UNC80: variants seen among roughly 807,000 people sequenced by gnomAD.
UNC80 encodes the protein unc-80 subunit of NALCN channel complex.
In UNC80, 164 loss-of-function variants were observed where a neutral mutation model predicts 384.6. That is an observed-to-expected ratio of 0.43 (90% CI 0.38 to 0.49). The LOEUF is 0.49. Ranked by LOEUF, UNC80 falls within the 20% of genes least tolerant of loss-of-function variation. The pLI, the probability that UNC80 is intolerant of heterozygous loss-of-function variation, is 0.00. For synonymous variants in UNC80, 1,486 were observed against 1,527.8 expected (o/e 0.97, Z 0.64); for missense variants, 3,330 against 4,143.0 (o/e 0.80, Z 5.39).
At chr2:209,813,546 T>C (rs954667488) in intron 7 of UNC80, 34 bp from the exon 8 acceptor site, 7 of 1,535,370 alleles carry the variant, frequency 4.6e-6, no homozygotes, top group African/African-American at 1.4e-5. Context: ...AGCTTGATTG[T>C]CAGTATAATT....
At chr2:209,910,707 A>C (rs1166264484) in intron 29 of UNC80, among the ~76,000 whole-genome samples, 1 of 150,304 alleles carries the variant, frequency 6.7e-6, no homozygotes, top group Admixed American at 6.6e-5. Context: ...GCCTGGTTAA[A>C]ATTCCTGTAA....
At chr2:209,849,977 C>T (rs183340629) in intron 22 of UNC80, among the ~76,000 whole-genome samples, 126 of 152,094 alleles carry the variant, frequency 8.3e-4, no homozygotes, top group African/African-American at 2.6e-3. Context: ...ATATAAAGCC[C>T]TCATCACAGT....
chr2:209,777,412 G>A lies in UNC80; in HGVS notation c.453G>A (p.Gln151=). ...GAAGCAGCAGTGCTTTCATCCACCAGGTTGAAAACCAGGGTTCTCCAGGGC... is the reference window on the plus strand; with the variant it reads ...GAAGCAGCAGTGCTTTCATCCACCAAGTTGAAAACCAGGGTTCTCCAGGGC... ...WGGSSSAFIH[Q]VENQGSPGQP... is the part of the protein sequence containing the mutation. The change falls in exon 4 of 65, where the codon CAG becomes CAA. Residue 151 remains glutamine, a synonymous_variant. Transcript: ENST00000673920. The A allele has an allele frequency of 1.2e-6, 2 of 1,614,204 alleles. No individual in the cohort carries two copies. Among genetic ancestry groups the A allele is most frequent in the Non-Finnish European group, 1.7e-6 (2 of 1,180,042 alleles).
At chr2:209,813,490 AAT>A in intron 7 of UNC80, 88 bp from the exon 8 acceptor site, 8 of 1,347,730 alleles carry the variant, frequency 5.9e-6, no homozygotes, top group African/African-American at 1.5e-5. Context: ...TAACTAAACA[AAT>A]GAGAAAAGTA....
intron 12 of UNC80, among the ~76,000 whole-genome samples, chr2:209,819,779 C>G (rs939341591): frequency 2.0e-5 from 3 of 151,956 alleles, no homozygotes; most frequent in Non-Finnish European, 4.4e-5. Flanking sequence ...ATTAGGAATC[C>G]TGGCTTAGCA....
At chr2:209,783,507 T>C (rs989834062) in intron 4 of UNC80, among the ~76,000 whole-genome samples, 3 of 152,104 alleles carry the variant, frequency 2.0e-5, no homozygotes, top group Non-Finnish European at 4.4e-5. Context: ...TTAATGAACA[T>C]ATTAGTTTGG....
intron 28 of UNC80, among the ~76,000 whole-genome samples, chr2:209,901,604 T>C (rs752883562): frequency 6.6e-6 from 1 of 152,146 alleles, no homozygotes; most frequent in Non-Finnish European, 1.5e-5. Flanking sequence ...TCAAGGTGTA[T>C]TTTGACTTTC....
chr2:209,878,326 C>T (rs1197713684), intron 24 of UNC80, among the ~76,000 whole-genome samples: 1 of 152,102 alleles, frequency 6.6e-6, no homozygotes. Flanking sequence ...CAAGATGGAA[C>T]ATTTATTCTT....
chr2:209,820,043 C>T (rs1329175676), intron 12 of UNC80, among the ~76,000 whole-genome samples: 2 of 152,150 alleles, frequency 1.3e-5, no homozygotes, highest in African/African-American at 2.4e-5. Context: ...TCCCCATTAA[C>T]TGTTGATATC....
At chr2:209,807,599 G>C (rs946009410) in intron 7 of UNC80, among the ~76,000 whole-genome samples, 1 of 151,892 alleles carries the variant, frequency 6.6e-6, no homozygotes, top group Non-Finnish European at 1.5e-5. Context: ...TCCTGACCTC[G>C]TGATCCGCCT....
chr2:209,865,230 G>GT (rs34718642), intron 22 of UNC80, among the ~76,000 whole-genome samples: 11,852 of 149,328 alleles, frequency 0.079, 1,522 homozygotes, highest in African/African-American at 0.27. Flanking sequence ...CGTTTATTAT[G>GT]TTTTTTTTTT....
chr2:209,957,810 A>G, intron 49 of UNC80, 74 bp downstream of exon 49: 1 of 1,392,060 alleles, frequency 7.2e-7, no homozygotes, highest in Non-Finnish European at 9.9e-7. Flanking sequence ...TGAGAATGAA[A>G]GGAACCCTGA....
chr2:209,956,335 A>T (rs1455316419), intron 48 of UNC80, among the ~76,000 whole-genome samples: 2 of 70 alleles, frequency 0.029, no homozygotes, highest in African/African-American at 0.05. Flanking sequence ...TCAAGGTGGA[A>T]GTCAAGTTGT....
chr2:209,825,519 TC>T (rs2080450125), intron 13 of UNC80, among the ~76,000 whole-genome samples: 1 of 152,174 alleles, frequency 6.6e-6, no homozygotes, highest in African/African-American at 2.4e-5. Flanking sequence ...AGTAATCCTT[TC>T]CTGGTGTATC....
At chr2:209,840,363 A>G (rs2081647982) in intron 19 of UNC80, among the ~76,000 whole-genome samples, 179 bp from the exon 20 acceptor site, 1 of 152,230 alleles carries the variant, frequency 6.6e-6, no homozygotes, top group African/African-American at 2.4e-5. Context: ...ATGCTTATGC[A>G]ATTTTATAGT....
rs2023453 is a variant in UNC80 at position 209,866,535 on chromosome 2, G to T, written c.3628-6223G>T. The stretch of plus-strand genomic sequence containing the variant: ...ACACACACACACACACACACACACA[G>T]AGAGAGAGAGAGAGAGAGAGAGAGA... On this transcript the variant is annotated intron_variant, in intron 22 of 64. Coordinates refer to ENST00000673920, the MANE Select transcript of UNC80 (RefSeq NM_001371986.1). Among the ~76,000 whole-genome samples the T allele has an allele frequency of 3.8e-4, 41 of 107,598 alleles. 1 individual carries two copies. The highest frequency in any genetic ancestry group is 3.3e-4 in the Non-Finnish European group (18 of 54,118). 70.6% of individuals were successfully genotyped at this position (107,598 alleles called of 152,430 possible). A position where few individuals can be genotyped will look rare whatever the true frequency, so the allele number is the denominator to read the frequency against.
intron 26 of UNC80, among the ~76,000 whole-genome samples, chr2:209,891,049 G>A (rs930549880): frequency 1.3e-5 from 2 of 152,160 alleles, no homozygotes; most frequent in African/African-American, 4.8e-5. Flanking sequence ...ATGTGTTGAA[G>A]TATTTTCTAG....
intron 15 of UNC80, 43 bp downstream of exon 15, chr2:209,829,422 G>A: frequency 6.5e-7 from 1 of 1,547,716 alleles, no homozygotes; most frequent in Non-Finnish European, 8.7e-7. Context: ...GTCGTTGTGA[G>A]GTGAATCAGG....
At chr2:209,873,106 G>C in intron 23 of UNC80, 136 bp downstream of exon 23, 1 of 748,638 alleles carries the variant, frequency 1.3e-6, no homozygotes, top group Non-Finnish European at 2.1e-6. Context: ...AACACTTTGG[G>C]AAAAAATAAG....
Sources: allele counts gnomAD v4.1 joint callset (sites outside exome capture counted in the v4.1 genomes callset), GRCh38; gene constraint gnomAD v4.1.1; transcripts MANE v1.5; gene names NCBI Gene and HGNC (gene_info 2026-07-23, HGNC 2026-07-21).